The following AURKA variants were observed in gnomAD, a reference collection of about 807,000 sequenced individuals.
The protein encoded by AURKA is aurora 2.
Under a neutral mutation model 40.9 loss-of-function variants are expected in AURKA, and 12 were observed. That is an observed-to-expected ratio of 0.29 (90% confidence interval 0.19 to 0.48). AURKA has a LOEUF of 0.48. Among genes scored for constraint, AURKA ranks in the 20% least tolerant of loss-of-function variants. The probability of loss-of-function intolerance (pLI) is 0.99; values close to 1 mark genes in which losing one functional copy is unlikely to be tolerated. For synonymous variants in AURKA, 170 were observed against 164.3 expected (o/e 1.03, Z -0.26); for missense variants, 322 against 462.1 (o/e 0.70, Z 2.78).
In AURKA at chr20:56,373,360, C is replaced by A. The variant is rs969775342; in HGVS notation, c.854+48G>T. 4.3e-6 allele frequency: 7 copies of A among 1,612,052 alleles called. No individual in the cohort carries two copies. The Admixed American group carries it at 8.3e-5, about 19-fold the overall frequency. On this transcript the variant is annotated intron_variant, in intron 7 of 8. Transcript: ENST00000395915. The surrounding 1 kb of genome is among the most constrained non-coding windows in gnomAD (Gnocchi z 5.0). ...TTTTACATTTAGCTCACGGTTAGCT[C>A]CCAGGGCTTTGGTAAACCAAACAAC...
chr20:56,385,318 T>C (rs1986215676), intron 3 of AURKA, among the ~76,000 whole-genome samples: 1 of 152,188 alleles, frequency 6.6e-6, no homozygotes, highest in South Asian at 2.1e-4. Context: ...CTGCAGGGAA[T>C]GAGCACTCAA....
At chr20:56,376,297 A>C (rs1052695738) in intron 6 of AURKA, among the ~76,000 whole-genome samples, 1 of 152,232 alleles carries the variant, frequency 6.6e-6, no homozygotes, top group Admixed American at 6.5e-5. Context: ...TGTAAGAGAA[A>C]GTTGGCCCAA....
Position 56,373,534 on chromosome 20 carries a change from G to A in AURKA, c.728C>T (p.Ala243Val). The A allele has an allele frequency of 6.2e-7, 1 of 1,614,166 alleles. No individual in the cohort carries two copies. The highest frequency in any genetic ancestry group is 8.5e-7 in the Non-Finnish European group (1 of 1,179,988). Reference sequence around the variant, plus strand: ...TCTCTTCGAATGACAGTAAGACAGGGCATTTGCCAATTCTGTTATATACTG... The same window carrying A: ...TCTCTTCGAATGACAGTAAGACAGGACATTTGCCAATTCTGTTATATACTG... ...TATYITELAN[A>V]LSYCHSKRVI... The change falls in exon 7 of 9, where the codon GCC (alanine) becomes GTC (valine). Residue 243 changes from alanine (A) to valine (V), a missense_variant. Coordinates refer to ENST00000395915, the MANE Select transcript of AURKA (RefSeq NM_198437.3). The surrounding 1 kb of genome is among the most constrained non-coding windows in gnomAD (Gnocchi z 5.0).
chr20:56,371,968 G>A (rs1039419173), intron 7 of AURKA, among the ~76,000 whole-genome samples: 2 of 152,160 alleles, frequency 1.3e-5, no homozygotes. Flanking sequence ...TGACTAAATG[G>A]GAAAAACTGC....
chr20:56,387,935 T>C (rs1345894779), intron 2 of AURKA, among the ~76,000 whole-genome samples: 1 of 152,148 alleles, frequency 6.6e-6, no homozygotes, highest in African/African-American at 2.4e-5. Flanking sequence ...TGGAGGGATA[T>C]AGAAACTTAA....
At chr20:56,383,883 C>G (rs895711025) in intron 4 of AURKA, among the ~76,000 whole-genome samples, 1 of 152,194 alleles carries the variant, frequency 6.6e-6, no homozygotes, top group Non-Finnish European at 1.5e-5. Context: ...ACTGTCAAAA[C>G]CCTCAGTCAT....
intron 6 of AURKA, among the ~76,000 whole-genome samples, chr20:56,375,425 G>A (rs541081479): frequency 3.3e-5 from 5 of 150,784 alleles, no homozygotes; most frequent in East Asian, 2.0e-4. Context: ...GATTACAAGC[G>A]TGAGCTACCA....
intron 4 of AURKA, 101 bp from the exon 5 acceptor site, chr20:56,383,277 A>G (rs1985959074): frequency 7.9e-7 from 1 of 1,269,040 alleles, no homozygotes; most frequent in East Asian, 2.4e-5. Context: ...TTCGTATTCC[A>G]ACTTCACTCA....
At chr20:56,375,310 T>C (rs1984791940) in intron 6 of AURKA, among the ~76,000 whole-genome samples, 1 of 145,282 alleles carries the variant, frequency 6.9e-6, no homozygotes, top group Non-Finnish European at 1.5e-5. Context: ...AATCTTTCTT[T>C]TTTTTTTTTT....
At chr20:56,391,311 G>A (rs150064672) in intron 1 of AURKA, among the ~76,000 whole-genome samples, 7 of 152,374 alleles carry the variant, frequency 4.6e-5, no homozygotes, top group African/African-American at 1.2e-4. Flanking sequence ...GAGACATTAC[G>A]AGAGTTAAGG....
intron 1 of AURKA, chr20:56,388,599 G>A (rs375178921): frequency 3.9e-5 from 9 of 231,558 alleles, no homozygotes; most frequent in Non-Finnish European, 6.1e-5. Context: ...ATCACCTGAG[G>A]TCAAGAGTTC....
intron 2 of AURKA, among the ~76,000 whole-genome samples, chr20:56,386,899 A>T (rs912350006): frequency 2.6e-5 from 4 of 151,932 alleles, no homozygotes; most frequent in Non-Finnish European, 4.4e-5. Flanking sequence ...AGTTCCATTG[A>T]AATTTCTTTG....
At chr20:56,376,716 A>G (rs988179742) in intron 6 of AURKA, among the ~76,000 whole-genome samples, 4 of 152,224 alleles carry the variant, frequency 2.6e-5, no homozygotes, top group African/African-American at 4.8e-5. Flanking sequence ...TTTTAATCAC[A>G]TAAAAAAGGA....
At position 56,383,042 on chromosome 20, in the gene AURKA, T is replaced by C; in HGVS notation, c.509A>G (p.Glu170Gly). The C allele has an allele frequency of 6.2e-7, 1 of 1,614,232 alleles. No individual in the cohort carries two copies. Among genetic ancestry groups the C allele is most frequent in the Non-Finnish European group, 8.5e-7 (1 of 1,180,040 alleles). Residue 170 changes from glutamate to glycine, a missense_variant, in exon 5 of 9, where the codon GAG (glutamate) becomes GGG (glycine). Physicochemically the swap from Glu to Gly is moderately conservative, Grantham distance 98. Transcript: ENST00000395915. Reference protein sequence around the residue: ...ALKVLFKAQLEKAGVEHQLRR... With the variant: ...ALKVLFKAQLGKAGVEHQLRR... ...GAGCTGATGCTCCACTCCGGCTTTC[T>C]CCAGCTGAGCTTTAAATAACACTTT...
At chr20:56,385,171 T>G (rs780007361) in intron 3 of AURKA, among the ~76,000 whole-genome samples, 1 of 152,244 alleles carries the variant, frequency 6.6e-6, no homozygotes, top group Non-Finnish European at 1.5e-5. Flanking sequence ...CATCCTGGCT[T>G]GTCTTTGGAT....
intron 6 of AURKA, among the ~76,000 whole-genome samples, chr20:56,374,341 G>T (rs752941129): frequency 1.4e-5 from 2 of 147,250 alleles, no homozygotes; most frequent in Non-Finnish European, 3.0e-5. Flanking sequence ...TTCTTTTTTA[G>T]AAAAAAAAAA....
intron 4 of AURKA, 92 bp from the exon 5 acceptor site, chr20:56,383,268 T>G: frequency 7.2e-7 from 1 of 1,380,442 alleles, no homozygotes; most frequent in South Asian, 1.2e-5. Flanking sequence ...ACAAATAATT[T>G]CGTATTCCAA....
chr20:56,389,453 T>C (rs1446185857), intron 1 of AURKA, among the ~76,000 whole-genome samples: 1 of 152,166 alleles, frequency 6.6e-6, no homozygotes, highest in Non-Finnish European at 1.5e-5. Context: ...TCCCTGTTCA[T>C]GGGTGTGCCC....
Position 56,370,249 on chromosome 20 carries a change from A to G in AURKA, c.1121T>C (p.Leu374Pro). 1.2e-6 allele frequency: 2 copies of G among 1,614,142 alleles called. No individual in the cohort carries two copies. Among genetic ancestry groups the G allele is most frequent in the Non-Finnish European group, 1.7e-6 (2 of 1,180,024 alleles). The change falls in exon 9 of 9, where the codon CTC (leucine) becomes CCC (proline). Residue 374 changes from leucine to proline, a missense_variant. Transcript: ENST00000395915. ...LKHNPSQRPM[L>P]REVLEHPWIT... is the part of the protein sequence containing the mutation. ...CCAGGGGTGTTCAAGTACTTCTCTG[A>G]GCATTGGCCTCTGGCTGGGATTATG...
Sources: allele counts gnomAD v4.1 joint callset (sites outside exome capture counted in the v4.1 genomes callset), GRCh38; gene constraint gnomAD v4.1.1; non-coding constraint Gnocchi (gnomAD v3.1); transcripts MANE v1.5; gene names NCBI Gene and HGNC (gene_info 2026-07-23, HGNC 2026-07-21).